Variants in ALK observed in about 807,000 individuals in gnomAD.
The protein encoded by ALK is ALK receptor tyrosine kinase, also known as ALK tyrosine kinase receptor.
ALK carries 74 observed loss-of-function variants against 163.1 expected under a neutral mutation model. That is an observed-to-expected ratio of 0.45 (90% confidence interval 0.38 to 0.55). The LOEUF is 0.55. Ranked by LOEUF, ALK falls within the 20% of genes least tolerant of loss-of-function variation. The pLI is 0.00. For synonymous variants in ALK, 960 were observed against 843.2 expected (o/e 1.14, Z -2.40); for missense variants, 2,063 against 2,105.3 (o/e 0.98, Z 0.39).
At chr2:29,358,855 C>T (rs553160016) in intron 5 of ALK, among the ~76,000 whole-genome samples, 1 of 152,120 alleles carries the variant, frequency 6.6e-6, no homozygotes, top group Admixed American at 6.5e-5. Context: ...CTCCTTACTA[C>T]CTTACCAGCT....
At chr2:29,916,505 C>T (rs1269015704) in intron 1 of ALK, among the ~76,000 whole-genome samples, 1 of 152,320 alleles carries the variant, frequency 6.6e-6, no homozygotes, top group South Asian at 2.1e-4. Flanking sequence ...ACTGATATCC[C>T]TTCTGGGAGC....
intron 3 of ALK, among the ~76,000 whole-genome samples, chr2:29,579,416 C>T (rs181031315): frequency 3.1e-4 from 47 of 152,324 alleles, no homozygotes; most frequent in African/African-American, 1.1e-3. Context: ...TAAAGATCCC[C>T]ATGGCTTATT....
chr2:29,352,890 A>G (rs927792764), intron 5 of ALK, among the ~76,000 whole-genome samples: 41 of 152,238 alleles, frequency 2.7e-4, no homozygotes, highest in Non-Finnish European at 1.5e-5. Context: ...CTTCTAACCT[A>G]CAAGCTGTCA....
chr2:29,881,239 G>A (rs1029149266), intron 1 of ALK, among the ~76,000 whole-genome samples: 1 of 152,174 alleles, frequency 6.6e-6, no homozygotes, highest in Non-Finnish European at 1.5e-5. Context: ...AAGTTCCAGG[G>A]CCACTAAGTG....
chr2:29,399,033 C>G (rs1479216053), intron 4 of ALK, among the ~76,000 whole-genome samples: 4 of 152,188 alleles, frequency 2.6e-5, no homozygotes, highest in Admixed American at 6.5e-5. Context: ...CTTTGGAAAC[C>G]TGCCAATGAT....
chr2:29,418,419 C>A (rs1409610135), intron 4 of ALK, among the ~76,000 whole-genome samples: 1 of 152,168 alleles, frequency 6.6e-6, no homozygotes, highest in Non-Finnish European at 1.5e-5. Context: ...TATAATCTTT[C>A]TTTTTCTCCT....
intron 1 of ALK, among the ~76,000 whole-genome samples, chr2:29,803,520 C>T (rs1299506124): frequency 4.6e-5 from 7 of 152,282 alleles, no homozygotes; most frequent in East Asian, 3.9e-4. Flanking sequence ...TAGCCATATC[C>T]GCCTCTGTTT....
At chr2:29,914,765 A>C (rs189938161) in intron 1 of ALK, among the ~76,000 whole-genome samples, 96 of 152,296 alleles carry the variant, frequency 6.3e-4, no homozygotes, top group Middle Eastern at 3.4e-3. Flanking sequence ...GGATACTGGA[A>C]ATTTTTTCAC....
intron 4 of ALK, among the ~76,000 whole-genome samples, chr2:29,423,603 C>T (rs1670070386): frequency 6.6e-6 from 1 of 152,220 alleles, no homozygotes; most frequent in Admixed American, 6.5e-5. Flanking sequence ...AGCAATAAAA[C>T]TGCCATAAAC....
chr2:29,870,109 C>G (rs1307908772), intron 1 of ALK, among the ~76,000 whole-genome samples: 1 of 152,022 alleles, frequency 6.6e-6, no homozygotes, highest in African/African-American at 2.4e-5. Flanking sequence ...TTTGACAACA[C>G]ACATCATAAT....
intron 4 of ALK, 108 bp downstream of exon 4, chr2:29,531,807 A>T: frequency 1.7e-6 from 2 of 1,173,282 alleles, no homozygotes; most frequent in Non-Finnish European, 2.5e-6. Flanking sequence ...CCTACCGATT[A>T]AAGGACAATC....
chr2:29,315,950 G>A (rs1307053510), intron 8 of ALK, among the ~76,000 whole-genome samples: 2 of 152,122 alleles, frequency 1.3e-5, no homozygotes, highest in Non-Finnish European at 2.9e-5. Context: ...CCAAAACTCT[G>A]CCTAGTGTCC....
chr2:29,285,451 A>G (rs962561375), intron 9 of ALK, among the ~76,000 whole-genome samples: 5 of 151,984 alleles, frequency 3.3e-5, no homozygotes, highest in African/African-American at 9.7e-5. Context: ...GGGTTTCACT[A>G]TGTTGGCCAG....
intron 3 of ALK, among the ~76,000 whole-genome samples, chr2:29,538,552 A>G (rs1673324166): frequency 2.0e-5 from 3 of 152,188 alleles, no homozygotes; most frequent in Non-Finnish European, 4.4e-5. Flanking sequence ...CTGCAGAACC[A>G]TGAGCCAATT....
chr2:29,909,354 T>C (rs1667636154), intron 1 of ALK, among the ~76,000 whole-genome samples: 1 of 152,160 alleles, frequency 6.6e-6, no homozygotes, highest in Non-Finnish European at 1.5e-5. Context: ...AAGAGCATAG[T>C]GGCCTCAGTG....
At chr2:29,409,052 A>G (rs972079622) in intron 4 of ALK, among the ~76,000 whole-genome samples, 2 of 152,200 alleles carry the variant, frequency 1.3e-5, no homozygotes, top group Non-Finnish European at 2.9e-5. Flanking sequence ...TGTACTTTGC[A>G]TCCTGGAGAC....
chr2:29,585,248 G>A (rs1357116372), intron 3 of ALK, among the ~76,000 whole-genome samples: 1 of 152,110 alleles, frequency 6.6e-6, no homozygotes, highest in Non-Finnish European at 1.5e-5. Flanking sequence ...ATGATGCAAA[G>A]AAGAAAGTAA....
At chr2:29,693,079 T>C (rs1441215334) in intron 3 of ALK, among the ~76,000 whole-genome samples, 2 of 152,048 alleles carry the variant, frequency 1.3e-5, no homozygotes, top group Admixed American at 1.3e-4. Context: ...ACACAAAATA[T>C]AGGAGAGTGG....
intron 2 of ALK, among the ~76,000 whole-genome samples, chr2:29,699,247 C>T (rs1678659936): frequency 6.6e-6 from 1 of 152,232 alleles, no homozygotes; most frequent in Non-Finnish European, 1.5e-5. Flanking sequence ...TACCTTCCCT[C>T]AGCCCCTCCT....
Sources: allele counts gnomAD v4.1 joint callset (sites outside exome capture counted in the v4.1 genomes callset), GRCh38; gene constraint gnomAD v4.1.1; transcripts MANE v1.5; gene names NCBI Gene and HGNC (gene_info 2026-07-23, HGNC 2026-07-21).